TMEM132D: variants seen among roughly 807,000 people sequenced by gnomAD.
TMEM132D encodes the protein mature OL transmembrane protein.
In TMEM132D, 21 loss-of-function variants were observed where a neutral mutation model predicts 62.3. The observed-to-expected ratio is 0.34, with a 90% confidence interval of 0.24 to 0.49. The LOEUF is 0.49. Among genes scored for constraint, TMEM132D ranks in the 20% least tolerant of loss-of-function variants. TMEM132D has a pLI of 0.99. For synonymous variants in TMEM132D, 621 were observed against 575.6 expected, an observed-to-expected ratio of 1.08 and a Z score of -1.13; for missense variants, 1,346 against 1,402.8, an observed-to-expected ratio of 0.96 and a Z score of 0.65.
intron 3 of TMEM132D, among the ~76,000 whole-genome samples, chr12:129,519,059 A>T (rs75580875): frequency 6.2e-4 from 94 of 152,302 alleles, no homozygotes; most frequent in African/African-American, 2.2e-3. Context: ...TGGCTTTTAC[A>T]TGTTAAAGAT....
At chr12:129,896,341 T>C (rs1593202813) in intron 1 of TMEM132D, among the ~76,000 whole-genome samples, 1 of 152,092 alleles carries the variant, frequency 6.6e-6, no homozygotes, top group Non-Finnish European at 1.5e-5. Context: ...GGCTGCCAGG[T>C]GTTCATCTGC....
At chr12:129,353,166 T>G in intron 3 of TMEM132D, among the ~76,000 whole-genome samples, 1 of 138,406 alleles carries the variant, frequency 7.2e-6, no homozygotes, top group Non-Finnish European at 1.6e-5. Flanking sequence ...GATTCCAACA[T>G]GCAAACAGGA....
intron 3 of TMEM132D, among the ~76,000 whole-genome samples, chr12:129,445,668 C>T (rs1873076265): frequency 6.6e-6 from 1 of 152,114 alleles, no homozygotes; most frequent in African/African-American, 2.4e-5. Flanking sequence ...GTCATGGGTT[C>T]ATTAAGCCAG....
At chr12:129,181,695 G>C (rs913891698) in intron 5 of TMEM132D, among the ~76,000 whole-genome samples, 5 of 152,112 alleles carry the variant, frequency 3.3e-5, no homozygotes, top group Non-Finnish European at 7.3e-5. Context: ...CTGTCCTTGT[G>C]AAAGCTGTTT....
At chr12:129,808,729 A>G (rs1330421875) in intron 1 of TMEM132D, among the ~76,000 whole-genome samples, 4 of 152,208 alleles carry the variant, frequency 2.6e-5, no homozygotes, top group African/African-American at 9.6e-5. Context: ...CTGATAGGTC[A>G]TAGGAAGGAA....
intron 3 of TMEM132D, among the ~76,000 whole-genome samples, chr12:129,388,678 A>ACTAACACCGACACCAATT (rs1871203389): frequency 7.7e-6 from 1 of 129,216 alleles, no homozygotes. Context: ...CGACACCAAT[A>ACTAACACCGACACCAATT]CTAACACCAA....
At chr12:129,696,161 A>G (rs1454480418) in intron 2 of TMEM132D, among the ~76,000 whole-genome samples, 4 of 152,194 alleles carry the variant, frequency 2.6e-5, no homozygotes, top group African/African-American at 9.6e-5. Flanking sequence ...CCACCAAAGA[A>G]TATCGTCTGA....
chr12:129,810,784 CAT>C (rs896549562), intron 1 of TMEM132D, among the ~76,000 whole-genome samples: 8 of 152,080 alleles, frequency 5.3e-5, no homozygotes, highest in South Asian at 2.1e-4. Context: ...GAAGAAAAAA[CAT>C]AATCTTGAAC....
rs542615301 is a variant in TMEM132D, at chr12:129,409,007, A to G, written c.1116-71190T>C. Among the ~76,000 whole-genome samples the G allele has an allele frequency of 2.0e-5, 3 of 150,644 alleles. No individual in the cohort carries two copies. In the East Asian group the frequency reaches 5.9e-4, roughly 30 times the overall value. ...GAGTGCAATGGTGTGATCTCGGCTC[A>G]CTGCAACCTCTGCCTCCAGGGTTCC... On this transcript the variant is annotated intron_variant, in intron 3 of 8. Transcript: ENST00000422113.
intron 2 of TMEM132D, among the ~76,000 whole-genome samples, chr12:129,628,534 A>G (rs1445703741): frequency 6.6e-6 from 1 of 152,158 alleles, no homozygotes; most frequent in African/African-American, 2.4e-5. Flanking sequence ...ATAAACACAG[A>G]ACACTACTAT....
chr12:129,884,794 G>A (rs961857350), intron 1 of TMEM132D, among the ~76,000 whole-genome samples: 1 of 152,154 alleles, frequency 6.6e-6, no homozygotes, highest in South Asian at 2.1e-4. Flanking sequence ...ACCAAGAAAT[G>A]AAAGCATGTG....
At chr12:129,126,549 T>C (rs1329972279) in intron 5 of TMEM132D, among the ~76,000 whole-genome samples, 1 of 152,148 alleles carries the variant, frequency 6.6e-6, no homozygotes, top group African/African-American at 2.4e-5. Context: ...ACATCCCATC[T>C]GCATTGGAGG....
chr12:129,565,761 T>C (rs1877350876), intron 2 of TMEM132D, among the ~76,000 whole-genome samples: 1 of 152,226 alleles, frequency 6.6e-6, no homozygotes, highest in African/African-American at 2.4e-5. Context: ...AGGAATCTTA[T>C]TTCCTTAATA....
intron 5 of TMEM132D, among the ~76,000 whole-genome samples, chr12:129,193,187 A>G (rs1878455817): frequency 6.6e-6 from 1 of 150,516 alleles, no homozygotes; most frequent in African/African-American, 2.4e-5. Context: ...AAGATACAAC[A>G]GCTTTATGCC....
intron 3 of TMEM132D, among the ~76,000 whole-genome samples, chr12:129,501,335 A>T (rs1032513916): frequency 6.6e-6 from 1 of 152,146 alleles, no homozygotes; most frequent in African/African-American, 2.4e-5. Context: ...TGCTAAGAAA[A>T]GTAGCTTAGG....
At chr12:129,703,929 A>AAC (rs1339020073) in intron 1 of TMEM132D, among the ~76,000 whole-genome samples, 4 of 151,708 alleles carry the variant, frequency 2.6e-5, no homozygotes, top group Non-Finnish European at 5.9e-5. Context: ...ATAGGCAAAA[A>AAC]AAAAAAAAAT....
intron 5 of TMEM132D, among the ~76,000 whole-genome samples, chr12:129,138,346 C>A (rs1336678629): frequency 6.6e-6 from 1 of 152,154 alleles, no homozygotes; most frequent in Non-Finnish European, 1.5e-5. Flanking sequence ...GACCCAAGGA[C>A]CTTCAATTTG....
At chr12:129,082,638 A>G (rs1464190583) in intron 6 of TMEM132D, among the ~76,000 whole-genome samples, 1 of 152,118 alleles carries the variant, frequency 6.6e-6, no homozygotes, top group Non-Finnish European at 1.5e-5. Flanking sequence ...CCCCACTGAC[A>G]CTTGGACTGC....
intron 5 of TMEM132D, among the ~76,000 whole-genome samples, chr12:129,129,479 G>T (rs1175660445): frequency 1.3e-5 from 2 of 152,214 alleles, no homozygotes; most frequent in African/African-American, 4.8e-5. Flanking sequence ...TTGGTGGAAT[G>T]ATTTGTTTTC....
Sources: allele counts gnomAD v4.1 joint callset (sites outside exome capture counted in the v4.1 genomes callset), GRCh38; gene constraint gnomAD v4.1.1; transcripts MANE v1.5; gene names NCBI Gene and HGNC (gene_info 2026-07-23, HGNC 2026-07-21).